The following MSN variants were observed in gnomAD, a reference collection of about 807,000 sequenced individuals.
The protein encoded by MSN is epididymis luminal protein 70.
In MSN, 2 loss-of-function variants were observed where a neutral mutation model predicts 48.0. The observed-to-expected ratio is 0.04, with a 90% confidence interval of 0.02 to 0.13. MSN has a LOEUF of 0.13. MSN is among the 10% of genes least tolerant of loss of function. The pLI is 1.00. For synonymous variants in MSN, 146 were observed against 166.9 expected (o/e 0.87, Z 0.97); for missense variants, 267 against 470.1 (o/e 0.57, Z 3.99).
At position 65,620,008 on chromosome X, in the gene MSN, G is replaced by C. The variant is rs769077595; in HGVS notation, c.-22+31396G>C. ...TGCCCCTGCTGGGGGGTGCCTCCCA[G>C]TTAGGCTGCTCGGGGATCAGGGGTC... is the stretch of plus-strand genomic sequence containing the variant. On this transcript the variant is annotated intron_variant, in intron 1 of 3. Coordinates refer to the MSN transcript ENST00000609672. Among the ~76,000 whole-genome samples, 593 of 111,844 alleles carry C rather than the reference G, an allele frequency of 5.3e-3. 4 individuals are homozygous for C. Among genetic ancestry groups the C allele is most frequent in the African/African-American group, 0.017 (523 of 30,711 alleles).
chrX:65,718,355 G>T (rs975785109), intron 2 of MSN, among the ~76,000 whole-genome samples: 4 of 110,729 alleles, frequency 3.6e-5, no homozygotes, highest in South Asian at 3.9e-4. Context: ...TCAAAAATCT[G>T]ATTATAGTGG....
intron 1 of MSN, among the ~76,000 whole-genome samples, chrX:65,607,724 C>T (rs1435788537): frequency 9.0e-6 from 1 of 111,139 alleles, no homozygotes; most frequent in Non-Finnish European, 1.9e-5. Context: ...CAGACCATTC[C>T]CTGCCCTCAC....
intron 1 of MSN, among the ~76,000 whole-genome samples, chrX:65,607,167 T>C (rs1231209450): frequency 8.9e-6 from 1 of 112,245 alleles, no homozygotes; most frequent in Non-Finnish European, 1.9e-5. Flanking sequence ...GAGAGAGAAA[T>C]TGAGGCGAGA....
intron 7 of MSN, among the ~76,000 whole-genome samples, chrX:65,734,644 TCAAC>T (rs1446783659): frequency 2.7e-5 from 3 of 112,156 alleles, no homozygotes; most frequent in Non-Finnish European, 5.6e-5. Context: ...GCTGCTGTGC[TCAAC>T]TATTATCAGA....
At chrX:65,608,097 T>G (rs2070292545) in intron 1 of MSN, among the ~76,000 whole-genome samples, 1 of 112,212 alleles carries the variant, frequency 8.9e-6, no homozygotes, top group Non-Finnish European at 1.9e-5. Flanking sequence ...TAGTCATCTC[T>G]GCGAACTGAT....
chrX:65,588,410 C>T (rs1053199545), exon 1 of MSN: 23 of 270,603 alleles, frequency 8.5e-5, no homozygotes, highest in East Asian at 6.5e-4. Flanking sequence ...AAGAGGCGCC[C>T]GGAAAACCTT....
Position 65,619,537 on chromosome X carries a change from G to A in MSN, c.-22+30925G>A, listed in dbSNP as rs1267078995. Among the ~76,000 whole-genome samples the A allele has an allele frequency of 6.8e-4, 67 of 98,593 alleles. 1 individual carries two copies. The East Asian group carries it at 0.019, about 27-fold the overall frequency. The allele number at this position is 98,593 out of a possible 115,157, so 85.6% of individuals were successfully genotyped here. A position where few individuals can be genotyped will look rare whatever the true frequency, so the allele number is the denominator to read the frequency against. ...CTTCTGCATTCTTCTCGTAGTTCTC[G>A]AGCCTTGGTTTTCAGCTCCATCAGC... On this transcript the variant is annotated intron_variant, in intron 1 of 3. Coordinates refer to the MSN transcript ENST00000609672.
chrX:65,602,173 G>T (rs2070241276), intron 1 of MSN, among the ~76,000 whole-genome samples: 1 of 112,403 alleles, frequency 8.9e-6, no homozygotes, highest in Non-Finnish European at 1.9e-5. Flanking sequence ...ACCAACAGTG[G>T]ATTTGTGTGC....
chrX:65,657,156 A>G (rs2779281), intron 1 of MSN, among the ~76,000 whole-genome samples: 37 of 111,665 alleles, frequency 3.3e-4, no homozygotes, highest in Non-Finnish European at 5.5e-4. Flanking sequence ...CAGAGAGCAG[A>G]GCTTGGTGAC....
At chrX:65,701,410 G>T (rs1235205798) in intron 1 of MSN, among the ~76,000 whole-genome samples, 1 of 111,536 alleles carries the variant, frequency 9.0e-6, no homozygotes, top group African/African-American at 3.3e-5. Flanking sequence ...CCTGTCATGG[G>T]GATCTCTGGG....
chrX:65,728,580 A>G (rs1481638488), intron 3 of MSN, among the ~76,000 whole-genome samples: 1 of 111,281 alleles, frequency 9.0e-6, no homozygotes, highest in Non-Finnish European at 1.9e-5. Flanking sequence ...GGCATGAGCT[A>G]CTGAGCTTGG....
intron 1 of MSN, among the ~76,000 whole-genome samples, chrX:65,715,861 T>C (rs1462905253): frequency 2.7e-5 from 3 of 111,860 alleles, no homozygotes; most frequent in East Asian, 2.8e-4. Context: ...TCTAATACTA[T>C]GTTGAATATG....
chrX:65,722,843 C>G (rs762975403), intron 2 of MSN, among the ~76,000 whole-genome samples: 1 of 110,519 alleles, frequency 9.0e-6, no homozygotes, highest in Admixed American at 9.6e-5. Context: ...AGTTTGTTTA[C>G]TCAGATAAAT....
intron 1 of MSN, among the ~76,000 whole-genome samples, chrX:65,713,595 A>C (rs2071434352): frequency 8.9e-6 from 1 of 112,215 alleles, no homozygotes; most frequent in South Asian, 3.7e-4. Context: ...GCTACATGCT[A>C]GGCTTGGAAT....
rs1043016044 is a variant in MSN at position 65,716,823 on chromosome X, T to C, written c.18T>C (p.Ser6=). The C allele has an allele frequency of 1.7e-6, 2 of 1,209,177 alleles. No individual in the cohort carries two copies. The highest frequency in any genetic ancestry group is 2.2e-6 in the Non-Finnish European group (2 of 894,283). The change falls in exon 2 of 13, where the codon AGT becomes AGC. Residue 6 remains serine, a synonymous_variant. Transcript: ENST00000360270. Reference sequence around the variant, plus strand: ...TTCCTTTGATCTCATCCTAGATCAGTGTGCGTGTGACCACCATGGATGCAG... The same window carrying C: ...TTCCTTTGATCTCATCCTAGATCAGCGTGCGTGTGACCACCATGGATGCAG... MPKTI[S]VRVTTMDAEL...
chrX:65,736,433 C>T (rs1343435360), intron 8 of MSN, among the ~76,000 whole-genome samples: 3 of 96,509 alleles, frequency 3.1e-5, no homozygotes, highest in Non-Finnish European at 5.8e-5. Context: ...TGGAATTCCC[C>T]AGGCTTTTTT....
chrX:65,724,757 GCTCA>G, intron 2 of MSN, among the ~76,000 whole-genome samples: 1 of 111,262 alleles, frequency 9.0e-6, no homozygotes, highest in African/African-American at 3.3e-5. Flanking sequence ...TGCAATCTCA[GCTCA>G]CTGCATCCTC....
At chrX:65,668,699 G>A (rs1179298905) in intron 1 of MSN, among the ~76,000 whole-genome samples, 2 of 111,769 alleles carry the variant, frequency 1.8e-5, no homozygotes, top group Non-Finnish European at 3.8e-5. Context: ...AGTGGGGATA[G>A]GGGGGCCGGA....
At chrX:65,701,843 G>A (rs1199703600) in intron 1 of MSN, among the ~76,000 whole-genome samples, 1 of 111,242 alleles carries the variant, frequency 9.0e-6, no homozygotes, top group Non-Finnish European at 1.9e-5. Context: ...AGTGGTGTAT[G>A]TGATGGTGTG....
Sources: allele counts gnomAD v4.1 joint callset (sites outside exome capture counted in the v4.1 genomes callset), GRCh38; gene constraint gnomAD v4.1.1; transcripts MANE v1.5; gene names NCBI Gene and HGNC (gene_info 2026-07-23, HGNC 2026-07-21).